MIPEP: variants seen among roughly 807,000 people sequenced by gnomAD.
MIPEP encodes mitochondrial intermediate peptidase.
A neutral mutation model predicts 90.3 loss-of-function variants in MIPEP; 79 were observed. That is an observed-to-expected ratio of 0.87 (90% CI 0.73 to 1.05). The LOEUF (loss-of-function observed/expected upper bound fraction) is 1.05. Ranked by LOEUF, MIPEP falls within the 50% of genes least tolerant of loss-of-function variation. The pLI is 0.00. For missense variants in MIPEP, 940 were observed against 905.6 expected (o/e 1.04, Z -0.49); for synonymous variants, 334 against 315.8 (o/e 1.06, Z -0.61).
rs765443650 is a variant in MIPEP at position 23,870,203 on chromosome 13, CAGG to C, written c.604-11_604-9del. On this transcript the variant is annotated splice_polypyrimidine_tract_variant and intron_variant, in intron 5 of 18. Coordinates refer to ENST00000382172, the MANE Select transcript of MIPEP (RefSeq NM_005932.4). ...GTCCACTGCTCTTTTACGCTGTATG[CAGG>C]AGGAGTAAAAGTTATTTAAAGGCGT... 14 of 1,513,140 alleles carry C rather than the reference CAGG, an allele frequency of 9.3e-6. No homozygotes were observed. The highest frequency in any genetic ancestry group is 4.8e-5 in the East Asian group (2 of 42,020). The allele number at this position is 1,513,140 out of a possible 1,614,324, so 93.7% of individuals were successfully genotyped here.
At chr13:23,862,092 G>A (rs1308709638) in intron 9 of MIPEP, among the ~76,000 whole-genome samples, 1 of 152,054 alleles carries the variant, frequency 6.6e-6, no homozygotes, top group African/African-American at 2.4e-5. Flanking sequence ...AAAATATGTC[G>A]ACTCCTCAAC....
chr13:23,750,526 CCAT>C (rs1368852129), intron 18 of MIPEP, among the ~76,000 whole-genome samples: 1 of 152,128 alleles, frequency 6.6e-6, no homozygotes, highest in Non-Finnish European at 1.5e-5. Context: ...GGAAAACTTC[CCAT>C]CATATTATAT....
At chr13:23,797,983 T>G (rs1169530015) in intron 16 of MIPEP, among the ~76,000 whole-genome samples, 1 of 152,258 alleles carries the variant, frequency 6.6e-6, no homozygotes, top group African/African-American at 2.4e-5. Flanking sequence ...AAAGGCTATT[T>G]CGAATACAGG....
chr13:23,768,966 G>T (rs1252314840), intron 16 of MIPEP, among the ~76,000 whole-genome samples: 1 of 152,174 alleles, frequency 6.6e-6, no homozygotes, highest in Admixed American at 6.5e-5. Context: ...TTTATTAGAT[G>T]AGACATAGAA....
intron 10 of MIPEP, among the ~76,000 whole-genome samples, chr13:23,848,984 C>T (rs977491891): frequency 6.6e-6 from 1 of 152,184 alleles, no homozygotes; most frequent in Non-Finnish European, 1.5e-5. Flanking sequence ...ACATGACCAG[C>T]CAGTCAGGAG....
At chr13:23,803,544 C>A (rs1209624945) in intron 16 of MIPEP, among the ~76,000 whole-genome samples, 2 of 152,172 alleles carry the variant, frequency 1.3e-5, no homozygotes, top group African/African-American at 4.8e-5. Flanking sequence ...TACAACACCA[C>A]TTTAAAAAAT....
At chr13:23,789,605 A>T (rs1396750031) in intron 16 of MIPEP, among the ~76,000 whole-genome samples, 1 of 152,236 alleles carries the variant, frequency 6.6e-6, no homozygotes, top group Non-Finnish European at 1.5e-5. Context: ...CTGAACGGTC[A>T]TCCTGGCCTC....
chr13:23,843,551 T>C (rs1411530553), intron 10 of MIPEP, among the ~76,000 whole-genome samples: 1 of 152,204 alleles, frequency 6.6e-6, no homozygotes, highest in Non-Finnish European at 1.5e-5. Flanking sequence ...AAAATAAATA[T>C]ACATAGAATT....
chr13:23,797,838 T>C (rs1195051851), intron 16 of MIPEP, among the ~76,000 whole-genome samples: 1 of 152,250 alleles, frequency 6.6e-6, no homozygotes, highest in Non-Finnish European at 1.5e-5. Flanking sequence ...TCTCAATCTT[T>C]TCATCTTTTA....
chr13:23,790,594 G>A (rs74038747), intron 16 of MIPEP, among the ~76,000 whole-genome samples: 3,033 of 149,062 alleles, frequency 0.02, 110 homozygotes, highest in African/African-American at 0.07. Flanking sequence ...GAAGGAGGGG[G>A]AGGCAATGTG....
chr13:23,797,345 G>C (rs1952973954), intron 16 of MIPEP, among the ~76,000 whole-genome samples: 1 of 152,086 alleles, frequency 6.6e-6, no homozygotes, highest in Non-Finnish European at 1.5e-5. Flanking sequence ...GCCCAACACT[G>C]TTCATCTCCA....
chr13:23,783,136 G>A (rs372675129), intron 16 of MIPEP, among the ~76,000 whole-genome samples: 2 of 152,000 alleles, frequency 1.3e-5, no homozygotes, highest in African/African-American at 2.4e-5. Flanking sequence ...TACCAAAGCC[G>A]GGCAGAGACA....
intron 16 of MIPEP, among the ~76,000 whole-genome samples, chr13:23,763,854 C>T (rs1442825600): frequency 6.6e-6 from 1 of 152,206 alleles, no homozygotes; most frequent in African/African-American, 2.4e-5. Context: ...CCACCTGACA[C>T]CTTTCATCAT....
chr13:23,779,904 T>C lies in MIPEP; in HGVS notation c.1849-19687A>G, dbSNP rs1017655037. On this transcript the variant is annotated intron_variant, in intron 16 of 18. Coordinates refer to ENST00000382172, the MANE Select transcript of MIPEP (RefSeq NM_005932.4). ...TTGATCTGCAAGGCAGCAGCGAGGC[T>C]GGGGGAGGGGCGCCCACCATTGCTG... Among the ~76,000 whole-genome samples, 8 of 152,134 alleles carry C rather than the reference T, an allele frequency of 5.3e-5. No individual in the cohort carries two copies. The East Asian group carries it at 1.5e-3, about 29-fold the overall frequency.
intron 5 of MIPEP, 55 bp from the exon 6 acceptor site, chr13:23,870,250 A>C: frequency 8.4e-7 from 1 of 1,187,048 alleles, no homozygotes; most frequent in Non-Finnish European, 1.1e-6. Flanking sequence ...AATATTTCAC[A>C]ATTTAATAAA....
chr13:23,771,568 C>T (rs193148301), intron 16 of MIPEP, among the ~76,000 whole-genome samples: 70 of 150,150 alleles, frequency 4.7e-4, no homozygotes, highest in Middle Eastern at 3.4e-3. Flanking sequence ...CACACACACA[C>T]ATCTGCATTT....
chr13:23,820,761 G>C (rs1251267251), intron 14 of MIPEP, among the ~76,000 whole-genome samples: 1 of 152,218 alleles, frequency 6.6e-6, no homozygotes, highest in East Asian at 1.9e-4. Flanking sequence ...GCCTGAGCCA[G>C]TTCCAATGCC....
At chr13:23,759,203 T>C (rs1234282540) in intron 17 of MIPEP, among the ~76,000 whole-genome samples, 3 of 152,168 alleles carry the variant, frequency 2.0e-5, no homozygotes, top group Non-Finnish European at 2.9e-5. Context: ...CCTATTGTTA[T>C]AGGGATTCCT....
In MIPEP at chr13:23,864,196, C is replaced by A; in HGVS notation, c.944-7G>T. On this transcript the variant is annotated splice_region_variant and splice_polypyrimidine_tract_variant and intron_variant, in intron 7 of 18. Transcript: ENST00000382172. ...AGGAACTGCATGACAGTCTCTAAAACGAAATCCAAAAGAAAATATCTTCAA... is the reference window on the plus strand; with the variant it reads ...AGGAACTGCATGACAGTCTCTAAAAAGAAATCCAAAAGAAAATATCTTCAA... 1 of 1,537,584 alleles carries A rather than the reference C, an allele frequency of 6.5e-7. No homozygotes were observed. The highest frequency in any genetic ancestry group is 1.2e-5 in the South Asian group (1 of 81,246).
Sources: gnomAD v4.1 joint callset for allele counts (sites outside exome capture counted in the v4.1 genomes callset) on GRCh38, gnomAD v4.1.1 for gene constraint, MANE v1.5 for transcripts, NCBI Gene and HGNC (gene_info 2026-07-23, HGNC 2026-07-21) for gene names.